The following ERP44 variants were observed in gnomAD, a reference collection of about 807,000 sequenced individuals.
ERP44 encodes the protein endoplasmic reticulum protein 44.
In ERP44, 25 loss-of-function variants were observed where a neutral mutation model predicts 53.4. The observed-to-expected ratio is 0.47, with a 90% CI of 0.34 to 0.65. The LOEUF is 0.65. Among genes scored for constraint, ERP44 ranks in the 30% least tolerant of loss-of-function variants. The pLI, the probability that ERP44 is intolerant of heterozygous loss-of-function variation, is 0.01. For synonymous variants in ERP44, 145 were observed against 161.2 expected (o/e 0.90, Z 0.76); for missense variants, 338 against 493.2 (o/e 0.69, Z 2.98).
At chr9:100,009,139 TCTCA>T (rs1426056024) in intron 8 of ERP44, among the ~76,000 whole-genome samples, 4 of 152,080 alleles carry the variant, frequency 2.6e-5, no homozygotes, top group East Asian at 3.9e-4. Context: ...TGAGACGGAG[TCTCA>T]CTCTGTAGCC....
chr9:100,018,374 C>T lies in ERP44; in HGVS notation c.588-61G>A, dbSNP rs79991979. 2.1e-3 allele frequency: 2,017 copies of T among 940,998 alleles called. 34 individuals carry two copies. The African/African-American group carries it at 0.028, about 13-fold the overall frequency. The allele number at this position is 940,998 out of a possible 1,614,324, so 58.3% of individuals were successfully genotyped here. ...ACAGAATTTTGCAATGTAGGAATTACAGACTTGAAATATATACTTATCCAT... is the reference window on the plus strand; with the variant it reads ...ACAGAATTTTGCAATGTAGGAATTATAGACTTGAAATATATACTTATCCAT... On this transcript the variant is annotated intron_variant, in intron 6 of 11. Coordinates refer to ENST00000262455, the MANE Select transcript of ERP44 (RefSeq NM_015051.3).
intron 8 of ERP44, 84 bp from the exon 9 acceptor site, chr9:100,007,773 C>T (rs1256726874): frequency 1.3e-6 from 1 of 790,632 alleles, no homozygotes; most frequent in African/African-American, 1.7e-5. Flanking sequence ...ATTTTGAACC[C>T]AACCCATGTA....
chr9:100,096,229 A>T (rs1826626657), intron 1 of ERP44, among the ~76,000 whole-genome samples: 1 of 152,106 alleles, frequency 6.6e-6, no homozygotes, highest in African/African-American at 2.4e-5. Flanking sequence ...CAAAACTTGT[A>T]CACAACCAGT....
intron 4 of ERP44, among the ~76,000 whole-genome samples, chr9:100,030,909 T>G (rs564241576): frequency 6.6e-6 from 1 of 152,320 alleles, no homozygotes; most frequent in East Asian, 1.9e-4. Flanking sequence ...CTCCCTTTCC[T>G]ATCCTCTGTG....
At chr9:100,044,068 TC>T (rs1825941540) in intron 4 of ERP44, among the ~76,000 whole-genome samples, 1 of 152,244 alleles carries the variant, frequency 6.6e-6, no homozygotes, top group Non-Finnish European at 1.5e-5. Flanking sequence ...GTTCATTTTT[TC>T]TTTTGTACAT....
At chr9:99,998,939 A>C in intron 10 of ERP44, 1 of 1,591,820 alleles carries the variant, frequency 6.3e-7, no homozygotes, top group Non-Finnish European at 8.6e-7. Flanking sequence ...CTTCCTCCAC[A>C]CAGTAGGTTT....
intron 10 of ERP44, among the ~76,000 whole-genome samples, chr9:100,001,615 T>G (rs1440661428): frequency 6.6e-6 from 1 of 152,298 alleles, no homozygotes; most frequent in South Asian, 2.1e-4. Context: ...TTGACTTAAA[T>G]GTTATATAAT....
chr9:100,074,781 A>G (rs1368330561), intron 1 of ERP44, among the ~76,000 whole-genome samples: 1 of 152,204 alleles, frequency 6.6e-6, no homozygotes, highest in Non-Finnish European at 1.5e-5. Context: ...GGGACCCAAA[A>G]TGTCATCGTG....
At chr9:100,089,306 G>T (rs117342655) in intron 1 of ERP44, among the ~76,000 whole-genome samples, 5 of 152,190 alleles carry the variant, frequency 3.3e-5, no homozygotes, top group African/African-American at 1.2e-4. Flanking sequence ...GAGGCCAGGC[G>T]TGGTGGCTCA....
In ERP44 at chr9:100,007,681, T is replaced by C; in HGVS notation, c.771A>G (p.Thr257=). Residue 257 remains threonine (T), a synonymous_variant, in exon 9 of 12, where the codon ACA becomes ACG. Coordinates refer to ENST00000262455, the MANE Select transcript of ERP44 (RefSeq NM_015051.3). ...GTATGAGAAAAGGCAGTCCTTCTTC[T>C]GTCAATTCCTGTAGAGAGAAGCATT... is the stretch of plus-strand genomic sequence containing the variant. The part of the protein sequence containing the change: ...EITFENGEEL[T]EEGLPFLILF... 6.7e-7 allele frequency: 1 copy of C among 1,500,296 alleles called. No individual in the cohort carries two copies. The highest frequency in any genetic ancestry group is 9.3e-7 in the Non-Finnish European group (1 of 1,076,358). The allele number at this position is 1,500,296 out of a possible 1,614,324, so 92.9% of individuals were successfully genotyped here.
chr9:100,066,065 G>A (rs957041969), intron 1 of ERP44, among the ~76,000 whole-genome samples: 1 of 152,204 alleles, frequency 6.6e-6, no homozygotes, highest in African/African-American at 2.4e-5. Context: ...CCCACTGAAT[G>A]AGAAGCTCCA....
chr9:100,038,345 T>G (rs1439171854), intron 4 of ERP44, among the ~76,000 whole-genome samples: 1 of 152,078 alleles, frequency 6.6e-6, no homozygotes, highest in Non-Finnish European at 1.5e-5. Context: ...AACAAAAAGT[T>G]AAAAAGCAGG....
intron 8 of ERP44, 46 bp from the exon 9 acceptor site, chr9:100,007,735 A>T (rs975019205): frequency 9.8e-7 from 1 of 1,016,216 alleles, no homozygotes. Context: ...TTCTCCATTC[A>T]GTTGTAGCTA....
intron 1 of ERP44, among the ~76,000 whole-genome samples, chr9:100,074,422 T>C (rs148762951): frequency 4.6e-5 from 7 of 152,288 alleles, no homozygotes; most frequent in East Asian, 1.9e-4. Context: ...AGGAGTGAAA[T>C]TGATAGGAAG....
At chr9:100,045,103 C>T (rs902783890) in intron 4 of ERP44, among the ~76,000 whole-genome samples, 3 of 152,108 alleles carry the variant, frequency 2.0e-5, no homozygotes, top group African/African-American at 7.2e-5. Context: ...TATCTTTCAG[C>T]CTCTTCATCA....
At chr9:100,049,497 T>C (rs1385379664) in intron 4 of ERP44, among the ~76,000 whole-genome samples, 1 of 152,306 alleles carries the variant, frequency 6.6e-6, no homozygotes, top group Non-Finnish European at 1.5e-5. Context: ...TGAATGTATA[T>C]AAACATGTAA....
At chr9:100,040,448 A>C (rs1469774889) in intron 4 of ERP44, among the ~76,000 whole-genome samples, 2 of 152,212 alleles carry the variant, frequency 1.3e-5, no homozygotes, top group African/African-American at 4.8e-5. Context: ...CTGAAAAAGC[A>C]TTTGATAAAA....
chr9:100,087,918 C>T (rs774611660), intron 1 of ERP44, among the ~76,000 whole-genome samples: 1 of 152,122 alleles, frequency 6.6e-6, no homozygotes. Flanking sequence ...CTTCATTATG[C>T]TTTTCTGTAC....
chr9:100,014,509 G>A (rs147211818), intron 8 of ERP44, among the ~76,000 whole-genome samples: 1,987 of 152,150 alleles, frequency 0.013, 35 homozygotes, highest in African/African-American at 0.046. Flanking sequence ...GGCTGGTCTC[G>A]AACTCCCGAC....
Sources: gnomAD v4.1 joint callset for allele counts (sites outside exome capture counted in the v4.1 genomes callset) on GRCh38, gnomAD v4.1.1 for gene constraint, MANE v1.5 for transcripts, NCBI Gene and HGNC (gene_info 2026-07-23, HGNC 2026-07-21) for gene names.